The following ESR1 variants were observed in gnomAD, a reference collection of about 807,000 sequenced individuals.
The protein encoded by ESR1 is estrogen receptor.
Under a neutral mutation model 52.7 loss-of-function variants are expected in ESR1, and 12 were observed. That is an observed-to-expected ratio of 0.23 (90% CI 0.15 to 0.37). The LOEUF (loss-of-function observed/expected upper bound fraction) is 0.37, where lower values mean the gene tolerates loss of function less well. Ranked by LOEUF, ESR1 falls within the 10% of genes least tolerant of loss-of-function variation. The pLI, the probability that ESR1 is intolerant of heterozygous loss-of-function variation, is 1.00. For synonymous variants in ESR1, 305 were observed against 316.8 expected (o/e 0.96, Z 0.39); for missense variants, 584 against 779.7 (o/e 0.75, Z 2.99).
intron 6 of ESR1, among the ~76,000 whole-genome samples, chr6:152,111,156 G>A (rs1028840024): frequency 6.6e-6 from 1 of 152,162 alleles, no homozygotes; most frequent in South Asian, 2.1e-4. Flanking sequence ...TCATGGCCCA[G>A]GAAGGGACCA....
At chr6:151,817,542 G>A (rs1779859036) in intron 1 of ESR1, among the ~76,000 whole-genome samples, 2 of 152,286 alleles carry the variant, frequency 1.3e-5, no homozygotes, top group South Asian at 4.1e-4. Flanking sequence ...GTGCTGGGGA[G>A]AAAGATCACA....
chr6:151,859,909 G>C (rs907781515), intron 2 of ESR1, among the ~76,000 whole-genome samples: 2 of 152,138 alleles, frequency 1.3e-5, no homozygotes, highest in Non-Finnish European at 2.9e-5. Flanking sequence ...ATGGCACCCT[G>C]GTTCCTACCT....
intron 2 of ESR1, among the ~76,000 whole-genome samples, chr6:151,704,036 T>A (rs949059654): frequency 1.3e-5 from 2 of 152,198 alleles, no homozygotes; most frequent in Non-Finnish European, 2.9e-5. Flanking sequence ...ACATCAGTGG[T>A]TCTCCCATAA....
At chr6:152,004,796 G>A (rs2042210274) in intron 4 of ESR1, among the ~76,000 whole-genome samples, 1 of 151,990 alleles carries the variant, frequency 6.6e-6, no homozygotes, top group Non-Finnish European at 1.5e-5. Flanking sequence ...TGGCAAGTTT[G>A]CATATTTACA....
At position 152,100,688 on chromosome 6, in the gene ESR1, G is replaced by A. The variant is rs1394336733; in HGVS notation, c.*1722G>A. The stretch of plus-strand genomic sequence containing the variant: ...AGGTGAGCTGCTCGGGCTTCTCTTG[G>A]TATGTCTTGTTTGGAAAAGTGGATT... On this transcript the variant is annotated 3_prime_UTR_variant, in exon 8 of 8. Transcript: ENST00000206249. 2 of 227,752 alleles carry A rather than the reference G, an allele frequency of 8.8e-6. No individual in the cohort carries two copies. The highest frequency in any genetic ancestry group is 8.7e-6 in the Non-Finnish European group (1 of 115,186). The allele number at this position is 227,752 out of a possible 1,614,324, so 14.1% of individuals were successfully genotyped here.
chr6:152,052,289 A>G (rs1259453017), intron 5 of ESR1, among the ~76,000 whole-genome samples: 1 of 152,136 alleles, frequency 6.6e-6, no homozygotes, highest in Non-Finnish European at 1.5e-5. Flanking sequence ...CCCACCTCCA[A>G]CACTGGGATC....
At chr6:152,028,981 A>G (rs1448268764) in intron 5 of ESR1, among the ~76,000 whole-genome samples, 1 of 152,190 alleles carries the variant, frequency 6.6e-6, no homozygotes, top group Non-Finnish European at 1.5e-5. Flanking sequence ...TTTGCTGTTC[A>G]CCAATATCCG....
At chr6:152,029,200 G>A (rs536753611) in intron 5 of ESR1, among the ~76,000 whole-genome samples, 16 of 152,224 alleles carry the variant, frequency 1.1e-4, no homozygotes, top group Non-Finnish European at 1.6e-4. Flanking sequence ...AAAAAACAGA[G>A]TAGAAAAACA....
Position 151,807,813 on chromosome 6 carries a change from C to T in ESR1, c.-100C>T, listed in dbSNP as rs1238034836. 7.2e-6 allele frequency: 8 copies of T among 1,107,600 alleles called. No individual in the cohort carries two copies. The highest frequency in any genetic ancestry group is 5.1e-5 in the East Asian group (2 of 39,196). 68.6% of individuals were successfully genotyped at this position (1,107,600 alleles called of 1,614,324 possible). On this transcript the variant is annotated 5_prime_UTR_variant, in exon 1 of 8. Transcript: ENST00000206249. ...GTCGGCGGGACATGCGCTGCGTCGC[C>T]TCTAACCTCGGGCTGTGCTCTTTTT...
chr6:152,128,473 A>G (rs1325478774), exon 7 of ESR1: 2 of 152,254 alleles, frequency 1.3e-5, no homozygotes, highest in Non-Finnish European at 2.9e-5. Flanking sequence ...ATTCATATGT[A>G]GGTTTAAAAT....
chr6:151,832,296 C>T (rs1782567819), intron 1 of ESR1, among the ~76,000 whole-genome samples: 1 of 152,116 alleles, frequency 6.6e-6, no homozygotes, highest in Non-Finnish European at 1.5e-5. Context: ...TTGAGCTTTC[C>T]TAAAAAGGAG....
chr6:151,952,428 A>T (rs1449272937), intron 4 of ESR1, among the ~76,000 whole-genome samples: 2 of 151,938 alleles, frequency 1.3e-5, no homozygotes, highest in Admixed American at 6.6e-5. Flanking sequence ...CCTTCACATA[A>T]TGTCTTCATT....
intron 3 of ESR1, among the ~76,000 whole-genome samples, chr6:151,912,424 G>A (rs1336198157): frequency 6.6e-6 from 1 of 152,100 alleles, no homozygotes; most frequent in Non-Finnish European, 1.5e-5. Context: ...TTGGTGCAGG[G>A]ACCATTTAAA....
chr6:152,070,500 C>A (rs2048277080), intron 6 of ESR1, among the ~76,000 whole-genome samples: 1 of 138,412 alleles, frequency 7.2e-6, no homozygotes, highest in Admixed American at 6.7e-5. Context: ...GTATTCAAAG[C>A]ATATGTAATA....
intron 3 of ESR1, among the ~76,000 whole-genome samples, chr6:151,914,705 C>T (rs1405005441): frequency 6.6e-6 from 1 of 152,130 alleles, no homozygotes; most frequent in Non-Finnish European, 1.5e-5. Context: ...TGTTACCTCC[C>T]TGAGCTGTTT....
At chr6:152,120,332 G>C (rs1299480332) in intron 6 of ESR1, among the ~76,000 whole-genome samples, 2 of 152,200 alleles carry the variant, frequency 1.3e-5, no homozygotes, top group African/African-American at 4.8e-5. Flanking sequence ...TCTCAGATGA[G>C]GGTGCAGGGC....
At chr6:151,964,781 A>G (rs2128611579) in intron 4 of ESR1, among the ~76,000 whole-genome samples, 1 of 152,052 alleles carries the variant, frequency 6.6e-6, no homozygotes, top group Non-Finnish European at 1.5e-5. Context: ...AGCTGGGGCT[A>G]CAGGTGCCCG....
chr6:151,683,582 G>T (rs978886328), intron 1 of ESR1, among the ~76,000 whole-genome samples: 2 of 152,186 alleles, frequency 1.3e-5, no homozygotes, highest in African/African-American at 4.8e-5. Context: ...GTGGTAGGAG[G>T]CATGGGAGAT....
intron 4 of ESR1, among the ~76,000 whole-genome samples, chr6:152,009,417 T>C (rs948773059): frequency 2.6e-5 from 4 of 152,094 alleles, no homozygotes; most frequent in African/African-American, 4.8e-5. Flanking sequence ...GATACATGCA[T>C]GATTAATTTG....
Sources: gnomAD v4.1 joint callset for allele counts (sites outside exome capture counted in the v4.1 genomes callset) on GRCh38, gnomAD v4.1.1 for gene constraint, MANE v1.5 for transcripts, NCBI Gene and HGNC (gene_info 2026-07-23, HGNC 2026-07-21) for gene names.